The following SND1 variants were observed in gnomAD, a reference collection of about 807,000 sequenced individuals.
SND1 encodes the protein staphylococcal nuclease and tudor domain containing 1.
A neutral mutation model predicts 121.7 loss-of-function variants in SND1; 38 were observed. The observed-to-expected ratio is 0.31, with a 90% CI of 0.24 to 0.41. SND1 has a LOEUF of 0.41. Ranked by LOEUF, SND1 falls within the 10% of genes least tolerant of loss-of-function variation. SND1 has a pLI of 1.00. For synonymous variants in SND1, 401 were observed against 447.4 expected (o/e 0.90, Z 1.31); for missense variants, 868 against 1,184.6 (o/e 0.73, Z 3.92).
chr7:127,882,384 A>G (rs575453098), intron 12 of SND1, among the ~76,000 whole-genome samples: 4 of 109,110 alleles, frequency 3.7e-5, no homozygotes, highest in African/African-American at 1.0e-4. Flanking sequence ...GGGAGGGAGG[A>G]AGGGAGGGAG....
intron 1 of SND1, among the ~76,000 whole-genome samples, chr7:127,675,882 G>T (rs938795003): frequency 1.3e-5 from 2 of 152,154 alleles, no homozygotes; most frequent in Admixed American, 6.5e-5. Flanking sequence ...GCATAAATAA[G>T]CCTTGATCTC....
intron 15 of SND1, among the ~76,000 whole-genome samples, chr7:127,933,060 G>C (rs1800986891): frequency 6.6e-6 from 1 of 152,154 alleles, no homozygotes; most frequent in Middle Eastern, 3.2e-3. Flanking sequence ...AGGTGAAAAA[G>C]AGAAACAGTA....
At chr7:128,058,925 T>C (rs1465602484) in intron 16 of SND1, among the ~76,000 whole-genome samples, 1 of 152,070 alleles carries the variant, frequency 6.6e-6, no homozygotes, top group Non-Finnish European at 1.5e-5. Context: ...CCCTTGCCCA[T>C]CCTTCAAGTC....
At chr7:128,004,035 TTTC>T (rs1371259490) in intron 16 of SND1, among the ~76,000 whole-genome samples, 3 of 150,094 alleles carry the variant, frequency 2.0e-5, no homozygotes, top group Non-Finnish European at 4.5e-5. Context: ...TGTAACTTAC[TTTC>T]TTTTTTTTTT....
intron 15 of SND1, among the ~76,000 whole-genome samples, chr7:127,985,997 C>T (rs1263019476): frequency 6.6e-6 from 1 of 152,196 alleles, no homozygotes; most frequent in African/African-American, 2.4e-5. Context: ...ATAAGTGCCA[C>T]TGGGAAGCTG....
intron 10 of SND1, among the ~76,000 whole-genome samples, chr7:127,785,848 A>G (rs1797803218): frequency 6.6e-6 from 1 of 152,218 alleles, no homozygotes; most frequent in South Asian, 2.1e-4. Context: ...CATTGAATTT[A>G]AGTTATACTG....
intron 16 of SND1, among the ~76,000 whole-genome samples, chr7:128,038,423 A>T (rs962777040): frequency 6.6e-6 from 1 of 152,244 alleles, no homozygotes; most frequent in Non-Finnish European, 1.5e-5. Flanking sequence ...GTAAAGTGGG[A>T]TTAATAACTT....
chr7:127,929,388 A>G, intron 15 of SND1, 59 bp downstream of exon 15: 1 of 1,563,100 alleles, frequency 6.4e-7, no homozygotes, highest in Non-Finnish European at 8.8e-7. Context: ...GAAACCACAT[A>G]CCCTCCTTTC....
chr7:127,817,256 C>A (rs113629640), intron 11 of SND1, among the ~76,000 whole-genome samples: 6 of 152,120 alleles, frequency 3.9e-5, no homozygotes, highest in Non-Finnish European at 7.4e-5. Context: ...AATATTAATG[C>A]GAAGTGTACT....
intron 10 of SND1, among the ~76,000 whole-genome samples, chr7:127,721,734 A>G (rs62481380): frequency 0.065 from 9,936 of 152,168 alleles, 419 homozygotes; most frequent in Middle Eastern, 0.19. Context: ...TAAGGAGAGG[A>G]GAAGGTCTGT....
intron 1 of SND1, among the ~76,000 whole-genome samples, chr7:127,674,860 TA>T (rs1003163495): frequency 6.6e-6 from 1 of 152,238 alleles, no homozygotes; most frequent in African/African-American, 2.4e-5. Context: ...AAAGTACTTT[TA>T]AAAATGATCT....
chr7:127,927,210 A>G (rs575747142), intron 14 of SND1, among the ~76,000 whole-genome samples: 1 of 152,324 alleles, frequency 6.6e-6, no homozygotes, highest in East Asian at 1.9e-4. Flanking sequence ...TGCCATTGTT[A>G]TTCCTATAAG....
chr7:127,708,125 T>C (rs959796537), intron 9 of SND1, among the ~76,000 whole-genome samples: 8 of 152,150 alleles, frequency 5.3e-5, no homozygotes, highest in Admixed American at 3.3e-4. Context: ...AAATGAGATA[T>C]TCAACACTTT....
chr7:127,725,361 T>C (rs1796564276), intron 10 of SND1, among the ~76,000 whole-genome samples: 1 of 152,218 alleles, frequency 6.6e-6, no homozygotes, highest in South Asian at 2.1e-4. Flanking sequence ...GTCAGCATCA[T>C]GCCAGGGGCC....
rs200627804 is a variant in SND1 at position 127,947,707 on chromosome 7, TATC to T, written c.1669+18381_1669+18383del. Among the ~76,000 whole-genome samples the T allele has an allele frequency of 5.2e-4, 79 of 152,328 alleles. No homozygotes were observed. In the East Asian group the frequency reaches 0.011, roughly 22 times the overall value. On this transcript the variant is annotated intron_variant, in intron 15 of 23. Transcript: ENST00000354725. ...TATTTTTTTCAACTTTGCACACTCT[TATC>T]ATATTTGCAGTTCCCATCCACTCTG...
Position 127,704,936 on chromosome 7 carries a change from C to T in SND1, c.938C>T (p.Ala313Val), listed in dbSNP as rs771139466. ...VYTRGAEKLR[A>V]AERFAKERRL... ...ACCCGGGGCGCAGAAAAGCTGAGGG[C>T]GGCAGAGAGGTAAGGTCTGTCCAAG... Residue 313 changes from alanine (A) to valine (V), a missense_variant, in exon 8 of 24, where the codon GCG (alanine) becomes GTG (valine). By Grantham distance (64) the Ala-to-Val change is moderately conservative. Around this residue, in one of 2 missense-constraint regions of SND1, gnomAD observed 743 missense variants for 1,071.3 expected, o/e 0.69. Transcript: ENST00000354725. 35 of 1,613,650 alleles carry T rather than the reference C, an allele frequency of 2.2e-5. No homozygotes were observed. Among genetic ancestry groups the T allele is most frequent in the East Asian group, 4.5e-5 (2 of 44,868 alleles).
chr7:128,030,117 C>T, intron 16 of SND1: 1 of 1,614,068 alleles, frequency 6.2e-7, no homozygotes, highest in Non-Finnish European at 8.5e-7. Context: ...CAAGTCCAGG[C>T]GCATGAGGGA....
intron 17 of SND1, among the ~76,000 whole-genome samples, chr7:128,075,899 T>C (rs1189653750): frequency 1.3e-5 from 2 of 152,206 alleles, no homozygotes; most frequent in African/African-American, 4.8e-5. Context: ...TTGTGACAGC[T>C]GAACTTAAGA....
intron 16 of SND1, chr7:127,999,628 A>G (rs566283195): frequency 6.6e-5 from 10 of 152,212 alleles, no homozygotes; most frequent in Non-Finnish European, 1.5e-4. Flanking sequence ...CCTCATCTCA[A>G]TTGAAGCTGG....
Sources: allele counts gnomAD v4.1 joint callset (sites outside exome capture counted in the v4.1 genomes callset), GRCh38; gene constraint gnomAD v4.1.1; regional missense constraint gnomAD v4.1.1; transcripts MANE v1.5; gene names NCBI Gene and HGNC (gene_info 2026-07-23, HGNC 2026-07-21).